The following SPIN1 variants were observed in gnomAD, a reference collection of about 807,000 sequenced individuals.
SPIN1 encodes spindlin 1.
Under a neutral mutation model 26.0 loss-of-function variants are expected in SPIN1, and 3 were observed. The ratio of observed to expected loss-of-function variants is 0.12; its 90% confidence interval spans 0.05 to 0.30. SPIN1 has a LOEUF of 0.30. SPIN1 is among the 10% of genes least tolerant of loss of function. The pLI is 1.00. For synonymous variants in SPIN1, 101 were observed against 116.5 expected (o/e 0.87, Z 0.86); for missense variants, 126 against 333.4 (o/e 0.38, Z 4.84).
intron 3 of SPIN1, among the ~76,000 whole-genome samples, chr9:88,454,351 G>C (rs1828425945): frequency 2.6e-5 from 4 of 151,858 alleles, no homozygotes. Context: ...TCTCTATTTG[G>C]GATATTCTTA....
At chr9:88,392,573 C>T (rs780685994) in intron 1 of SPIN1, among the ~76,000 whole-genome samples, 4 of 152,000 alleles carry the variant, frequency 2.6e-5, no homozygotes, top group Admixed American at 6.6e-5. Flanking sequence ...TGTTACCTGT[C>T]TCCTCTCCTC....
chr9:88,422,747 T>G (rs573555419), intron 1 of SPIN1, among the ~76,000 whole-genome samples: 2 of 151,808 alleles, frequency 1.3e-5, no homozygotes, highest in African/African-American at 4.8e-5. Flanking sequence ...CTTGCTCTTG[T>G]CGCCCAGGCT....
intron 4 of SPIN1, among the ~76,000 whole-genome samples, chr9:88,466,803 T>C (rs1227272012): frequency 6.6e-6 from 1 of 152,188 alleles, no homozygotes; most frequent in Non-Finnish European, 1.5e-5. Context: ...AGTGGCGCCA[T>C]CTTGTCTCAC....
intron 1 of SPIN1, among the ~76,000 whole-genome samples, chr9:88,402,236 G>T (rs1408075406): frequency 6.6e-6 from 1 of 152,050 alleles, no homozygotes; most frequent in Non-Finnish European, 1.5e-5. Context: ...CAGGTGATCC[G>T]CCTGCCTCAG....
chr9:88,419,968 C>T lies in SPIN1; in HGVS notation c.-158-6414C>T, dbSNP rs183096867. On this transcript the variant is annotated intron_variant, in intron 1 of 5. Transcript: ENST00000375859. ...ATGCAGTTCCCAATCAGTGATTTCTCTATTGTCCTGTTTTTTCATTCCTTC... is the reference window on the plus strand; with the variant it reads ...ATGCAGTTCCCAATCAGTGATTTCTTTATTGTCCTGTTTTTTCATTCCTTC... Among the ~76,000 whole-genome samples the T allele has an allele frequency of 9.2e-5, 14 of 152,364 alleles. No individual in the cohort carries two copies. In the East Asian group the frequency reaches 2.5e-3, roughly 27 times the overall value.
intron 3 of SPIN1, among the ~76,000 whole-genome samples, chr9:88,456,939 GAC>G (rs1828484170): frequency 6.6e-6 from 1 of 152,006 alleles, no homozygotes. Context: ...TTCGAGATAA[GAC>G]AAAGACATTA....
chr9:88,412,157 T>C (rs984968260), intron 1 of SPIN1, among the ~76,000 whole-genome samples: 4 of 151,928 alleles, frequency 2.6e-5, no homozygotes, highest in East Asian at 1.9e-4. Flanking sequence ...CCAGCCTGGG[T>C]GACTGAGCGA....
chr9:88,427,585 TTTTTTTTTCTTTTTCTCTC>T (rs992586232), intron 2 of SPIN1, among the ~76,000 whole-genome samples: 6 of 149,392 alleles, frequency 4.0e-5, no homozygotes, highest in Non-Finnish European at 6.0e-5. Flanking sequence ...AAAACGGGAC[TTTTTTTTTCTTTTTCTCTC>T]TTTTTTTTCT....
intron 1 of SPIN1, among the ~76,000 whole-genome samples, chr9:88,424,576 G>A (rs1443716727): frequency 3.3e-5 from 5 of 152,150 alleles, no homozygotes; most frequent in East Asian, 1.9e-4. Context: ...GAGATAATGC[G>A]ATATTGGAAA....
chr9:88,462,437 A>G, intron 3 of SPIN1, 59 bp from the exon 4 acceptor site: 1 of 1,570,256 alleles, frequency 6.4e-7, no homozygotes, highest in Non-Finnish European at 8.6e-7. Context: ...CGGTTATGTT[A>G]GATCTAGGCA....
At chr9:88,462,955 T>C (rs545870904) in intron 4 of SPIN1, among the ~76,000 whole-genome samples, 31 of 152,256 alleles carry the variant, frequency 2.0e-4, no homozygotes, top group African/African-American at 7.5e-4. Flanking sequence ...ATGTGTATTT[T>C]CCCCCCAAGA....
intron 1 of SPIN1, among the ~76,000 whole-genome samples, chr9:88,393,302 C>G (rs1410184503): frequency 2.0e-5 from 3 of 151,330 alleles, no homozygotes; most frequent in Non-Finnish European, 4.4e-5. Flanking sequence ...TTTTTTAAAA[C>G]TAGGTTATAT....
chr9:88,475,879 T>C lies in SPIN1; in HGVS notation c.*602T>C, dbSNP rs958564622. 2.0e-4 allele frequency: 31 copies of C among 151,988 alleles called. No homozygotes were observed. The highest frequency in any genetic ancestry group is 1.7e-3 in the Admixed American group (26 of 15,256). The allele number at this position is 151,988 out of a possible 1,614,324, so 9.4% of individuals were successfully genotyped here. Reference sequence around the variant, plus strand: ...CTGCTCTTTATTTAAAAGTAAACTTTGGGCACAGGAACCATATGGGAACAT... The same window carrying C: ...CTGCTCTTTATTTAAAAGTAAACTTCGGGCACAGGAACCATATGGGAACAT... On this transcript the variant is annotated 3_prime_UTR_variant, in exon 6 of 6. Transcript: ENST00000375859.
intron 1 of SPIN1, among the ~76,000 whole-genome samples, chr9:88,408,903 C>T (rs991542118): frequency 6.6e-6 from 1 of 151,822 alleles, no homozygotes; most frequent in African/African-American, 2.4e-5. Flanking sequence ...ACCTCGTGAT[C>T]CGCCCGCCTG....
chr9:88,416,532 G>C (rs1486785774), intron 1 of SPIN1: 7 of 152,134 alleles, frequency 4.6e-5, no homozygotes, highest in Admixed American at 4.6e-4. Context: ...AACTTAACTG[G>C]TAAACCCTTG....
intron 2 of SPIN1, among the ~76,000 whole-genome samples, chr9:88,443,721 G>A (rs907104562): frequency 2.0e-5 from 3 of 152,202 alleles, no homozygotes; most frequent in Non-Finnish European, 2.9e-5. Context: ...AGGAGAAGCA[G>A]TCTGTAGTCC....
At chr9:88,471,654 CAAAA>C (rs1166469042) in intron 5 of SPIN1, among the ~76,000 whole-genome samples, 1,096 of 59,690 alleles carry the variant, frequency 0.018, 12 homozygotes, top group African/African-American at 0.071. Flanking sequence ...GACTCTGTCT[CAAAA>C]AAAAAAAAAA....
At chr9:88,462,428 G>T in intron 3 of SPIN1, 68 bp from the exon 4 acceptor site, 2 of 1,555,652 alleles carry the variant, frequency 1.3e-6, no homozygotes, top group Non-Finnish European at 1.7e-6. Flanking sequence ...GCTAGCCAGC[G>T]GTTATGTTAG....
At chr9:88,443,133 A>AC (rs1828173585) in intron 2 of SPIN1, among the ~76,000 whole-genome samples, 1 of 151,120 alleles carries the variant, frequency 6.6e-6, no homozygotes, top group Non-Finnish European at 1.5e-5. Context: ...AAAAAAAAAA[A>AC]ACAAAAAAAA....
Sources: allele counts gnomAD v4.1 joint callset (sites outside exome capture counted in the v4.1 genomes callset), GRCh38; gene constraint gnomAD v4.1.1; transcripts MANE v1.5; gene names NCBI Gene and HGNC (gene_info 2026-07-23, HGNC 2026-07-21).